MTUS2: variants seen among roughly 807,000 people sequenced by gnomAD.
MTUS2 encodes the protein microtubule associated scaffold protein 2.
Under a neutral mutation model 114.1 loss-of-function variants are expected in MTUS2, and 40 were observed. That is an observed-to-expected ratio of 0.35 (90% CI 0.27 to 0.46). The LOEUF (loss-of-function observed/expected upper bound fraction) is 0.46. Ranked by LOEUF, MTUS2 falls within the 20% of genes least tolerant of loss-of-function variation. MTUS2 has a pLI of 1.00. For synonymous variants in MTUS2, 688 were observed against 672.0 expected (o/e 1.02, Z -0.37); for missense variants, 1,679 against 1,705.4 (o/e 0.98, Z 0.27).
chr13:29,205,017 G>C (rs1433119231), intron 5 of MTUS2, among the ~76,000 whole-genome samples: 2 of 152,106 alleles, frequency 1.3e-5, no homozygotes, highest in Admixed American at 1.3e-4. Context: ...CATCAGAGGG[G>C]CCTAGCAGCT....
chr13:29,322,754 C>G (rs1015986823), intron 6 of MTUS2, among the ~76,000 whole-genome samples: 1 of 152,120 alleles, frequency 6.6e-6, no homozygotes, highest in Non-Finnish European at 1.5e-5. Context: ...GAAGAATATT[C>G]TGTGCAGAGG....
intron 2 of MTUS2, among the ~76,000 whole-genome samples, chr13:28,966,618 A>T (rs1883595056): frequency 6.8e-6 from 1 of 147,920 alleles, no homozygotes; most frequent in Admixed American, 6.8e-5. Flanking sequence ...CCAGCTACTT[A>T]GGAGGCTGAG....
intron 4 of MTUS2, among the ~76,000 whole-genome samples, chr13:29,050,672 C>G (rs114081039): frequency 0.013 from 2,003 of 152,332 alleles, 48 homozygotes; most frequent in African/African-American, 0.046. Context: ...CTACCCGTGT[C>G]CTGTGTTCCT....
chr13:29,455,906 G>A (rs117006737), intron 9 of MTUS2, among the ~76,000 whole-genome samples: 2,415 of 152,138 alleles, frequency 0.016, 35 homozygotes, highest in Non-Finnish European at 0.024. Context: ...GCTGGAGCCC[G>A]GAAGGTTGAG....
chr13:29,324,268 G>A (rs1900383531), intron 6 of MTUS2, among the ~76,000 whole-genome samples: 1 of 152,196 alleles, frequency 6.6e-6, no homozygotes, highest in South Asian at 2.1e-4. Flanking sequence ...AGAGAGGCAG[G>A]CAGACTAAAT....
At chr13:29,407,368 G>T (rs891488032) in intron 8 of MTUS2, among the ~76,000 whole-genome samples, 1 of 152,070 alleles carries the variant, frequency 6.6e-6, no homozygotes, top group Non-Finnish European at 1.5e-5. Flanking sequence ...TATATATTTA[G>T]ACGTGGAATT....
At chr13:29,216,732 G>A (rs1356751515) in intron 5 of MTUS2, among the ~76,000 whole-genome samples, 1 of 152,184 alleles carries the variant, frequency 6.6e-6, no homozygotes, top group Admixed American at 6.5e-5. Context: ...GGGTATTTCA[G>A]TTGGAAATGC....
chr13:29,234,203 A>T (rs1008257948), intron 5 of MTUS2, among the ~76,000 whole-genome samples: 2 of 152,176 alleles, frequency 1.3e-5, no homozygotes, highest in African/African-American at 2.4e-5. Context: ...CACTTCAAAG[A>T]TATCTATTGA....
chr13:28,968,425 A>G (rs1186689208), intron 2 of MTUS2, among the ~76,000 whole-genome samples: 1 of 152,240 alleles, frequency 6.6e-6, no homozygotes, highest in Non-Finnish European at 1.5e-5. Context: ...TTTTTATATC[A>G]GTGAATATCA....
rs566132847 is a variant in MTUS2, at chr13:29,371,984, C to A, written c.3117+12511C>A. Reference sequence around the variant, plus strand: ...AAGTGTCCTCAACCCCCGCCCCCCCCCCCACACACACACACAAGCACAAAA... The same window carrying A: ...AAGTGTCCTCAACCCCCGCCCCCCCACCCACACACACACACAAGCACAAAA... On this transcript the variant is annotated intron_variant, in intron 8 of 15. Transcript: ENST00000612955. Among the ~76,000 whole-genome samples the A allele has an allele frequency of 7.4e-4, 72 of 96,932 alleles. 4 individuals carry two copies. Among genetic ancestry groups the A allele is most frequent in the African/African-American group, 2.4e-3 (66 of 28,084 alleles). 63.6% of individuals were successfully genotyped at this position (96,932 alleles called of 152,430 possible).
At chr13:29,293,588 T>G (rs1898808559) in intron 6 of MTUS2, among the ~76,000 whole-genome samples, 1 of 152,090 alleles carries the variant, frequency 6.6e-6, no homozygotes, top group Non-Finnish European at 1.5e-5. Context: ...TCTAGGACCC[T>G]CTCAAAAACA....
chr13:28,989,800 G>T (rs750443534), intron 2 of MTUS2, among the ~76,000 whole-genome samples: 1 of 152,058 alleles, frequency 6.6e-6, no homozygotes, highest in Non-Finnish European at 1.5e-5. Flanking sequence ...GTATGCCAGG[G>T]TGTCTCATTC....
chr13:29,323,463 G>A (rs1900342654), intron 6 of MTUS2, among the ~76,000 whole-genome samples: 1 of 152,110 alleles, frequency 6.6e-6, no homozygotes, highest in African/African-American at 2.4e-5. Context: ...TGTTAGCCAG[G>A]ATTGTCTCGA....
intron 5 of MTUS2, among the ~76,000 whole-genome samples, chr13:29,110,287 G>A (rs952361087): frequency 1.3e-5 from 2 of 152,188 alleles, no homozygotes; most frequent in Non-Finnish European, 2.9e-5. Flanking sequence ...GGAAGAATGG[G>A]AACATTTGAT....
chr13:28,974,906 G>A (rs1593348183), intron 2 of MTUS2, among the ~76,000 whole-genome samples: 1 of 152,092 alleles, frequency 6.6e-6, no homozygotes, highest in African/African-American at 2.4e-5. Flanking sequence ...ATAATAAATG[G>A]CAAAGCTATG....
At chr13:29,264,766 T>C (rs1897605891) in intron 5 of MTUS2, among the ~76,000 whole-genome samples, 1 of 152,162 alleles carries the variant, frequency 6.6e-6, no homozygotes, top group African/African-American at 2.4e-5. Flanking sequence ...GGGAGCAATA[T>C]CCCAAGGCTG....
At chr13:29,187,930 A>C (rs1435785454) in intron 5 of MTUS2, among the ~76,000 whole-genome samples, 1 of 152,190 alleles carries the variant, frequency 6.6e-6, no homozygotes, top group African/African-American at 2.4e-5. Flanking sequence ...GCCTTGTTTC[A>C]ACAATGAAAC....
chr13:29,166,728 GTTGT>G (rs1893331173), intron 5 of MTUS2, among the ~76,000 whole-genome samples: 1 of 152,094 alleles, frequency 6.6e-6, no homozygotes, highest in South Asian at 2.1e-4. Context: ...TCCTTAAAAA[GTTGT>G]TTGAGAATTT....
At chr13:29,425,863 G>T (rs1876482593) in intron 8 of MTUS2, among the ~76,000 whole-genome samples, 1 of 152,116 alleles carries the variant, frequency 6.6e-6, no homozygotes, top group Non-Finnish European at 1.5e-5. Context: ...TCTTTGTGTA[G>T]ATCCTCCAGT....
Sources: gnomAD v4.1 joint callset for allele counts (sites outside exome capture counted in the v4.1 genomes callset) on GRCh38, gnomAD v4.1.1 for gene constraint, MANE v1.5 for transcripts, NCBI Gene and HGNC (gene_info 2026-07-23, HGNC 2026-07-21) for gene names.